Variants in PSMD11 observed in about 807,000 individuals in gnomAD.
The protein encoded by PSMD11 is 26S proteasome non-ATPase regulatory subunit 11.
Under a neutral mutation model 62.3 loss-of-function variants are expected in PSMD11, and 5 were observed. The observed-to-expected ratio is 0.08, with a 90% confidence interval of 0.04 to 0.17. The LOEUF is 0.17. Ranked by LOEUF, PSMD11 falls within the 10% of genes least tolerant of loss-of-function variation. PSMD11 has a pLI of 1.00. For synonymous variants in PSMD11, 191 were observed against 191.8 expected, an observed-to-expected ratio of 1.00 and a Z score of 0.03; for missense variants, 310 against 512.9, an observed-to-expected ratio of 0.60 and a Z score of 3.82.
intron 2 of PSMD11, among the ~76,000 whole-genome samples, chr17:32,448,155 A>G (rs967966352): frequency 1.3e-5 from 2 of 151,850 alleles, no homozygotes; most frequent in Non-Finnish European, 1.5e-5. Context: ...CTGGGATTCC[A>G]GGTGTGAGCC....
chr17:32,445,836 G>A (rs1379505856), intron 1 of PSMD11: 2 of 152,194 alleles, frequency 1.3e-5, no homozygotes, highest in African/African-American at 4.8e-5. Context: ...GAGGAAGTGG[G>A]CGTCAAGGTG....
At chr17:32,472,571 T>G (rs1908196694) in intron 6 of PSMD11, among the ~76,000 whole-genome samples, 1 of 150,306 alleles carries the variant, frequency 6.7e-6, no homozygotes, top group African/African-American at 2.5e-5. Context: ...GGAGTCTCAC[T>G]CTGTCGCCCA....
In PSMD11 at chr17:32,472,576, C is replaced by T. The variant is rs1289299533; in HGVS notation, c.644-1225C>T. 3.7e-4 allele frequency among the ~76,000 whole-genome samples: 55 copies of T among 148,704 alleles called. 1 individual carries two copies. Among genetic ancestry groups the T allele is most frequent in the African/African-American group, 1.2e-3 (50 of 40,260 alleles). On this transcript the variant is annotated intron_variant, in intron 6 of 13. Coordinates refer to ENST00000261712, the MANE Select transcript of PSMD11 (RefSeq NM_002815.4). ...TTTTTAAGACGGAGTCTCACTCTGT[C>T]GCCCAAGTTGGAGTGCTGTGGCGTG...
chr17:32,455,483 A>G (rs183723377), intron 3 of PSMD11, among the ~76,000 whole-genome samples: 1 of 152,320 alleles, frequency 6.6e-6, no homozygotes, highest in African/African-American at 2.4e-5. Context: ...CTAGTTGGTT[A>G]TATGTCTGAT....
chr17:32,448,945 C>T (rs1907412546), intron 2 of PSMD11, among the ~76,000 whole-genome samples: 1 of 152,290 alleles, frequency 6.6e-6, no homozygotes, highest in Admixed American at 6.5e-5. Flanking sequence ...GGTGTCTTTT[C>T]ATCTTAGGCT....
chr17:32,452,842 G>A (rs546359128), intron 2 of PSMD11, among the ~76,000 whole-genome samples: 60 of 152,288 alleles, frequency 3.9e-4, no homozygotes, highest in Middle Eastern at 3.4e-3. Context: ...AATACCACAA[G>A]TAGTACCTTT....
intron 3 of PSMD11, among the ~76,000 whole-genome samples, chr17:32,460,118 G>T (rs1907779803): frequency 6.6e-6 from 1 of 152,140 alleles, no homozygotes; most frequent in Admixed American, 6.5e-5. Context: ...GGGGTGCAGG[G>T]TGCAATCGTA....
chr17:32,479,549 C>T, intron 10 of PSMD11, 173 bp downstream of exon 10: 1 of 985,410 alleles, frequency 1.0e-6, no homozygotes, highest in Non-Finnish European at 1.5e-6. Flanking sequence ...GAGAGAGATG[C>T]TGTGGGTAGA....
chr17:32,474,072 G>C (rs182454935), intron 7 of PSMD11, 127 bp downstream of exon 7: 107 of 1,170,646 alleles, frequency 9.1e-5, no homozygotes, highest in Middle Eastern at 2.9e-4. Context: ...GGCCTCTAGG[G>C]CTGGCTAAGG....
intron 2 of PSMD11, among the ~76,000 whole-genome samples, chr17:32,453,011 A>C (rs1382067008): frequency 6.6e-6 from 1 of 152,188 alleles, no homozygotes; most frequent in Non-Finnish European, 1.5e-5. Flanking sequence ...CATGTGAAAG[A>C]AGGTATAGAT....
At chr17:32,447,126 A>G in intron 2 of PSMD11, 80 bp downstream of exon 2, 1 of 1,110,188 alleles carries the variant, frequency 9.0e-7, no homozygotes, top group Non-Finnish European at 1.3e-6. Context: ...CATGGGACTG[A>G]TCCACAAACT....
intron 6 of PSMD11, among the ~76,000 whole-genome samples, chr17:32,472,779 C>G (rs867544704): frequency 6.6e-6 from 1 of 151,654 alleles, no homozygotes; most frequent in Middle Eastern, 3.4e-3. Context: ...TCAGATGACC[C>G]TCCTGCTTCT....
intron 9 of PSMD11, 84 bp from the exon 10 acceptor site, chr17:32,479,167 G>T: frequency 1.3e-5 from 20 of 1,532,690 alleles, no homozygotes; most frequent in Non-Finnish European, 1.7e-5. Context: ...TTTTATAAGG[G>T]CCAGCAGACT....
chr17:32,458,110 T>C (rs2150831959), intron 3 of PSMD11, among the ~76,000 whole-genome samples: 1 of 152,294 alleles, frequency 6.6e-6, no homozygotes, highest in Middle Eastern at 3.4e-3. Flanking sequence ...TGGTCTCTCT[T>C]TACAACTACC....
At chr17:32,477,485 A>G (rs1222495445) in intron 8 of PSMD11, 36 bp from the exon 9 acceptor site, 1 of 1,561,138 alleles carries the variant, frequency 6.4e-7, no homozygotes, top group Non-Finnish European at 8.8e-7. Flanking sequence ...AGTGTGCAGA[A>G]TAAATCGCTT....
intron 8 of PSMD11, among the ~76,000 whole-genome samples, chr17:32,476,075 C>T (rs911225711): frequency 2.0e-5 from 3 of 151,826 alleles, no homozygotes; most frequent in Non-Finnish European, 4.4e-5. Flanking sequence ...AGCAGCCTGG[C>T]CAATGTGGCA....
At chr17:32,480,278 T>C in intron 12 of PSMD11, 81 bp downstream of exon 12, 2 of 1,554,816 alleles carry the variant, frequency 1.3e-6, no homozygotes, top group Non-Finnish European at 1.8e-6. Context: ...GAAGATGTTC[T>C]ATTTGTTTCC....
In PSMD11 at chr17:32,476,026, G is replaced by A. The variant is rs890383939; in HGVS notation, c.849+1202G>A. 5.3e-5 allele frequency among the ~76,000 whole-genome samples: 8 copies of A among 152,150 alleles called. No individual in the cohort carries two copies. In the South Asian group the frequency reaches 1.5e-3, roughly 28 times the overall value. ...TGCCTGTAATCCCAGCACTTTGGGC[G>A]GCTGAGGTGGGCGGATCACTTGAGG... On this transcript the variant is annotated intron_variant, in intron 8 of 13. Transcript: ENST00000261712.
In PSMD11 at chr17:32,444,582, G is replaced by A. The variant is rs201397972; in HGVS notation, c.59G>A (p.Arg20Gln). 4 of 1,611,650 alleles carry A rather than the reference G, an allele frequency of 2.5e-6. No individual in the cohort carries two copies. Among genetic ancestry groups the A allele is most frequent in the East Asian group, 2.2e-5 (1 of 44,692 alleles). ...QRAQSLLSTD[R>Q]EASIDILHSI... ...GCCCAGTCTCTACTCAGCACCGACCGGGAGGCCTCCATCGACATCCTCCAC... is the reference window on the plus strand; with the variant it reads ...GCCCAGTCTCTACTCAGCACCGACCAGGAGGCCTCCATCGACATCCTCCAC... Residue 20 changes from arginine to glutamine, a missense_variant, in exon 1 of 14, where the codon CGG (arginine) becomes CAG (glutamine). By Grantham distance (43) the Arg-to-Gln change is conservative. Around this residue, in one of 6 missense-constraint regions of PSMD11, gnomAD observed 50 missense variants for 94.4 expected, o/e 0.53. Coordinates refer to ENST00000261712, the MANE Select transcript of PSMD11 (RefSeq NM_002815.4).
Sources: allele counts gnomAD v4.1 joint callset (sites outside exome capture counted in the v4.1 genomes callset), GRCh38; gene constraint gnomAD v4.1.1; regional missense constraint gnomAD v4.1.1; transcripts MANE v1.5; gene names NCBI Gene and HGNC (gene_info 2026-07-23, HGNC 2026-07-21).